RNF212B: variants seen among roughly 807,000 people sequenced by gnomAD.
RNF212B encodes E3 ubiquitin-protein ligase RNF212B.
A neutral mutation model predicts 55.5 loss-of-function variants in RNF212B; 52 were observed. The ratio of observed to expected loss-of-function variants is 0.94; its 90% CI spans 0.75 to 1.18. The LOEUF (loss-of-function observed/expected upper bound fraction) is 1.18. Ranked by LOEUF, RNF212B falls within the 50% of genes most tolerant of loss-of-function variation. The pLI is 0.00. For missense variants in RNF212B, 289 were observed against 350.4 expected, an observed-to-expected ratio of 0.82 and a Z score of 1.40; for synonymous variants, 99 against 121.4, an observed-to-expected ratio of 0.82 and a Z score of 1.21.
upstream of RNF212B, among the ~76,000 whole-genome samples, chr14:23,236,959 CTCTTTTT>C (rs1463409160): frequency 2.9e-4 from 41 of 139,136 alleles, no homozygotes; most frequent in Middle Eastern, 7.1e-3. Context: ...TTCTGTCTCT[CTCTTTTT>C]TTTTTTTTTT....
intron 1 of RNF212B, among the ~76,000 whole-genome samples, chr14:23,191,026 T>G (rs1010669572): frequency 1.3e-5 from 2 of 152,160 alleles, no homozygotes; most frequent in African/African-American, 4.8e-5. Flanking sequence ...AAATATCACC[T>G]GCTCAAGGGG....
At position 23,192,080 on chromosome 14, in the gene RNF212B, T is replaced by C. The variant is rs924523891; in HGVS notation, c.-78-1245T>C. On this transcript the variant is annotated intron_variant, in intron 1 of 15. Coordinates refer to the RNF212B transcript ENST00000399910. Reference sequence around the variant, plus strand: ...TGGAGAAATAGGAACATTTTTACACTGTTGGTAGGACTGTAAACTAGTTCA... The same window carrying C: ...TGGAGAAATAGGAACATTTTTACACCGTTGGTAGGACTGTAAACTAGTTCA... Among the ~76,000 whole-genome samples the C allele has an allele frequency of 4.0e-5, 6 of 150,934 alleles. 1 individual carries two copies. The highest frequency in any genetic ancestry group is 2.0e-4 in the Admixed American group (3 of 15,098).
chr14:23,235,463 A>C (rs1566417460), upstream of RNF212B, among the ~76,000 whole-genome samples: 1 of 152,210 alleles, frequency 6.6e-6, no homozygotes, highest in African/African-American at 2.4e-5. Context: ...TCTAACATAC[A>C]AACTATTCAG....
intron 14 of RNF212B, 84 bp from the exon 15 acceptor site, chr14:23,272,739 G>A: frequency 2.4e-6 from 2 of 839,444 alleles, no homozygotes; most frequent in African/African-American, 1.7e-5. Context: ...GTCTCGATAA[G>A]CTTCATACAA....
rs146424934 is a variant in RNF212B, at chr14:23,195,068, C to T, written c.-2+1667C>T. Among the ~76,000 whole-genome samples the T allele has an allele frequency of 8.5e-4, 129 of 151,874 alleles. 1 individual carries two copies. The Middle Eastern group carries it at 0.01, about 12-fold the overall frequency. The stretch of plus-strand genomic sequence containing the variant: ...GACTTTTGGGAAATTTGAAAATGAA[C>T]GAAATAACTCGGTTAAATAATAATA... On this transcript the variant is annotated intron_variant, in intron 2 of 15. Coordinates refer to the RNF212B transcript ENST00000399910.
intron 13 of RNF212B, among the ~76,000 whole-genome samples, chr14:23,270,273 T>C (rs1885979829): frequency 6.6e-6 from 1 of 152,210 alleles, no homozygotes; most frequent in Non-Finnish European, 1.5e-5. Flanking sequence ...CTGAGGATTA[T>C]AAGGCCAATA....
At chr14:23,188,025 T>G (rs1877762957) in intron 1 of RNF212B, 1 of 152,222 alleles carries the variant, frequency 6.6e-6, no homozygotes, top group East Asian at 1.9e-4. Flanking sequence ...CCCTTTTTAG[T>G]GTATGCTCTG....
chr14:23,248,831 C>T (rs11625329), intron 4 of RNF212B, among the ~76,000 whole-genome samples: 26,235 of 152,168 alleles, frequency 0.17, 2,628 homozygotes, highest in South Asian at 0.25. Flanking sequence ...TCTCTTAATA[C>T]TATTGCATTG....
At chr14:23,244,157 T>C (rs920588392) in intron 3 of RNF212B, among the ~76,000 whole-genome samples, 165 bp from the exon 4 acceptor site, 8 of 152,134 alleles carry the variant, frequency 5.3e-5, no homozygotes, top group African/African-American at 9.7e-5. Flanking sequence ...GTAAGGAGAA[T>C]TGGACATATA....
At chr14:23,221,071 A>G (rs894842024) in intron 2 of RNF212B, among the ~76,000 whole-genome samples, 1 of 151,966 alleles carries the variant, frequency 6.6e-6, no homozygotes, top group African/African-American at 2.4e-5. Flanking sequence ...AAAAAAAGAC[A>G]CAATGATCTG....
intron 14 of RNF212B, among the ~76,000 whole-genome samples, chr14:23,271,501 GTT>G (rs11299802): frequency 1.3e-5 from 2 of 150,512 alleles, no homozygotes; most frequent in Non-Finnish European, 3.0e-5. Flanking sequence ...TTTTTTGTTT[GTT>G]TTTTTTAATG....
intron 2 of RNF212B, among the ~76,000 whole-genome samples, chr14:23,217,899 G>A (rs1881239861): frequency 6.6e-6 from 1 of 152,052 alleles, no homozygotes; most frequent in Non-Finnish European, 1.5e-5. Flanking sequence ...TAAGGCACCA[G>A]GGATCAATAC....
intron 2 of RNF212B, among the ~76,000 whole-genome samples, chr14:23,199,104 A>G (rs1037626575): frequency 6.6e-6 from 1 of 152,158 alleles, no homozygotes; most frequent in Admixed American, 6.5e-5. Flanking sequence ...AATTTGAGAC[A>G]GGTCTCAGTT....
intron 2 of RNF212B, among the ~76,000 whole-genome samples, chr14:23,223,335 T>C (rs547218519): frequency 6.6e-5 from 10 of 151,180 alleles, no homozygotes; most frequent in Admixed American, 2.0e-4. Context: ...AATATTACAC[T>C]GAATGGAGAA....
chr14:23,216,560 T>C (rs771202964), intron 2 of RNF212B, among the ~76,000 whole-genome samples: 1 of 149,152 alleles, frequency 6.7e-6, no homozygotes, highest in Admixed American at 6.6e-5. Flanking sequence ...AAATAAATTA[T>C]GCTAAGTAAA....
chr14:23,241,021 G>T (rs2140436282), intron 2 of RNF212B, among the ~76,000 whole-genome samples: 1 of 152,222 alleles, frequency 6.6e-6, no homozygotes, highest in Admixed American at 6.5e-5. Flanking sequence ...TCTTAGAAAG[G>T]ATACTTAAAT....
intron 2 of RNF212B, among the ~76,000 whole-genome samples, chr14:23,214,232 G>A (rs571284462): frequency 6.6e-6 from 1 of 152,316 alleles, no homozygotes; most frequent in South Asian, 2.1e-4. Flanking sequence ...GGCGGCTCAA[G>A]CCTGTAATCC....
At chr14:23,249,950 T>A (rs964396792) in intron 4 of RNF212B, among the ~76,000 whole-genome samples, 5 of 152,358 alleles carry the variant, frequency 3.3e-5, no homozygotes, top group Admixed American at 1.3e-4. Flanking sequence ...GGTGGCTTCC[T>A]ATCACTTAAG....
chr14:23,216,883 A>AAAAG (rs1881127622), intron 2 of RNF212B, among the ~76,000 whole-genome samples: 1 of 147,846 alleles, frequency 6.8e-6, no homozygotes, highest in Admixed American at 6.7e-5. Context: ...CTGTCTCAAA[A>AAAAG]AAAAAAAAAA....
Sources: gnomAD v4.1 joint callset for allele counts (sites outside exome capture counted in the v4.1 genomes callset) on GRCh38, gnomAD v4.1.1 for gene constraint, MANE v1.5 for transcripts, NCBI Gene and HGNC (gene_info 2026-07-23, HGNC 2026-07-21) for gene names.